The following CUL9 variants were observed in gnomAD, a reference collection of about 807,000 sequenced individuals.
CUL9 encodes cullin 9.
Under a neutral mutation model 272.6 loss-of-function variants are expected in CUL9, and 79 were observed. The observed-to-expected ratio is 0.29, with a 90% CI of 0.24 to 0.35. The LOEUF (loss-of-function observed/expected upper bound fraction) is 0.35, where lower values mean the gene tolerates loss of function less well. CUL9 is among the 10% of genes least tolerant of loss of function. The pLI is 1.00. For synonymous variants in CUL9, 1,186 were observed against 1,286.5 expected, an observed-to-expected ratio of 0.92 and a Z score of 1.67; for missense variants, 2,532 against 3,255.6, an observed-to-expected ratio of 0.78 and a Z score of 5.41.
chr6:43,186,813 TG>T, intron 4 of CUL9, 146 bp from the exon 5 acceptor site: 1 of 944,148 alleles, frequency 1.1e-6, no homozygotes, highest in Non-Finnish European at 1.6e-6. Context: ...TTTTGCCATA[TG>T]GGGGTTTTTC....
chr6:43,224,427 A>G lies in CUL9; in HGVS notation c.7536A>G (p.Glu2512=). Residue 2512 remains glutamate, a synonymous_variant, in exon 41 of 41, where the codon GAA becomes GAG. Transcript: ENST00000252050. The surrounding 1 kb of genome is among the most constrained non-coding windows in gnomAD (Gnocchi z 4.2). ...TFFFGDEEED[E]DEAYD The stretch of plus-strand genomic sequence containing the variant: ...TCTTTGGTGATGAGGAAGAGGATGA[A>G]GATGAGGCCTATGACTGAGGGGGCA... 1 of 1,613,914 alleles carries G rather than the reference A, an allele frequency of 6.2e-7. No individual in the cohort carries two copies. Among genetic ancestry groups the G allele is most frequent in the South Asian group, 1.1e-5 (1 of 91,040 alleles).
At position 43,196,627 on chromosome 6, in the gene CUL9, T is replaced by C. The variant is rs1774023126; in HGVS notation, c.2586-18T>C. The C allele has an allele frequency of 6.2e-7, 1 of 1,603,622 alleles. No homozygotes were observed. Among genetic ancestry groups the C allele is most frequent in the Non-Finnish European group, 8.5e-7 (1 of 1,170,406 alleles). ...TCATGGTCTCTCAGTTTCTTCCTGG[T>C]CACCTCCCTCCTCCCAGGTGCTCTT... On this transcript the variant is annotated intron_variant, in intron 10 of 40. Transcript: ENST00000252050.
Position 43,216,394 on chromosome 6 carries a change from A to C in CUL9, c.6173A>C (p.His2058Pro), listed in dbSNP as rs2273709. ...CTGCTGGCAGCTGGGCTGTGCGTAC[A>C]CCAGGCTCAGGCTGTACCCGTACGG... ...PLLLAAGLCV[H>P]QAQAVPVRPD... The change falls in exon 31 of 41, where the codon CAC (histidine) becomes CCC (proline). Residue 2058 changes from histidine (H) to proline (P), a missense_variant. This residue lies in a region of CUL9 where 2,218 missense variants were observed against 2,788.6 expected (regional missense o/e 0.80). Transcript: ENST00000252050. The C allele has an allele frequency of 0.24, 383,060 of 1,613,862 alleles. 54,616 individuals carry two copies. The highest frequency in any genetic ancestry group is 0.68 in the African/African-American group (50,620 of 74,958).
At position 43,198,865 on chromosome 6, in the gene CUL9, C is replaced by G. The variant is rs1350731705; in HGVS notation, c.3050+10C>G. ...TGCTGTCTGTGCTGAGGTGAGGGGC[C>G]TGTTGAGGCACCATGCATTGGGACG... On this transcript the variant is annotated intron_variant, in intron 12 of 40. Coordinates refer to ENST00000252050, the MANE Select transcript of CUL9 (RefSeq NM_015089.4). 2 of 1,611,112 alleles carry G rather than the reference C, an allele frequency of 1.2e-6. No individual in the cohort carries two copies. Among genetic ancestry groups the G allele is most frequent in the Non-Finnish European group, 1.7e-6 (2 of 1,178,750 alleles).
rs1772889577 is a variant in CUL9 at position 43,186,148 on chromosome 6, G to A, written c.944G>A (p.Arg315Gln). ...AVGNLISELVRSMGWARNLSE... is the reference protein window; with the variant it reads ...AVGNLISELVQSMGWARNLSE... ...GGCAACCTCATCTCTGAGCTTGTGC[G>A]GAGCATGGGCTGGGCCCGGAACCTC... Residue 315 changes from arginine to glutamine, a missense_variant, in exon 4 of 41, where the codon CGG (arginine) becomes CAG (glutamine). Coordinates refer to ENST00000252050, the MANE Select transcript of CUL9 (RefSeq NM_015089.4). 2.5e-6 allele frequency: 4 copies of A among 1,614,212 alleles called. No homozygotes were observed. The highest frequency in any genetic ancestry group is 2.2e-5 in the East Asian group (1 of 44,880).
In CUL9 at chr6:43,200,291, G is replaced by A. The variant is rs932117686; in HGVS notation, c.3384+135G>A. On this transcript the variant is annotated intron_variant, in intron 14 of 40. Coordinates refer to ENST00000252050, the MANE Select transcript of CUL9 (RefSeq NM_015089.4). The surrounding 1 kb of genome is among the most constrained non-coding windows in gnomAD (Gnocchi z 4.0). Reference sequence around the variant, plus strand: ...TCTGGGGCACTTGTTTCCTAACCTTGACTCCACATGGTTCTGTCAAAATGT... The same window carrying A: ...TCTGGGGCACTTGTTTCCTAACCTTAACTCCACATGGTTCTGTCAAAATGT... 3 of 1,482,132 alleles carry A rather than the reference G, an allele frequency of 2.0e-6. No homozygotes were observed. The highest frequency in any genetic ancestry group is 2.8e-5 in the African/African-American group (2 of 72,156). The allele number at this position is 1,482,132 out of a possible 1,614,324, so 91.8% of individuals were successfully genotyped here. A position where few individuals can be genotyped will look rare whatever the true frequency, so the allele number is the denominator to read the frequency against.
intron 31 of CUL9, among the ~76,000 whole-genome samples, chr6:43,216,928 T>C (rs77852399): frequency 6.6e-6 from 1 of 152,356 alleles, no homozygotes; most frequent in East Asian, 1.9e-4. Flanking sequence ...CAAGACACTT[T>C]GTGAAGTGTT....
At position 43,203,154 on chromosome 6, in the gene CUL9, C is replaced by T. The variant is rs1302841730; in HGVS notation, c.3799C>T (p.Leu1267=). The part of the protein sequence containing the change: ...SASRVILLEN[L]NRFWPIIQIR... ...CAGCCGGGTGATCCTCTTGGAGAAC[C>T]TGAACCGCTTCTGGCCCATCATCCA... Residue 1267 remains leucine (L), a synonymous_variant, in exon 18 of 41, where the codon CTG becomes TTG. Coordinates refer to ENST00000252050, the MANE Select transcript of CUL9 (RefSeq NM_015089.4). The surrounding 1 kb of genome is among the most constrained non-coding windows in gnomAD (Gnocchi z 5.0). 1 of 1,614,012 alleles carries T rather than the reference C, an allele frequency of 6.2e-7. No individual in the cohort carries two copies. Among genetic ancestry groups the T allele is most frequent in the African/African-American group, 1.3e-5 (1 of 75,048 alleles).
At position 43,221,319 on chromosome 6, in the gene CUL9, G is replaced by A. The variant is rs1189551223; in HGVS notation, c.6750G>A (p.Leu2250=). 6.2e-7 allele frequency: 1 copy of A among 1,601,596 alleles called. No individual in the cohort carries two copies. The highest frequency in any genetic ancestry group is 8.5e-7 in the Non-Finnish European group (1 of 1,177,726). The change falls in exon 34 of 41, where the codon CTG becomes CTA. Residue 2250 remains leucine, a splice_region_variant and synonymous_variant. Transcript: ENST00000252050. The surrounding 1 kb of genome is among the most constrained non-coding windows in gnomAD (Gnocchi z 4.2). ...QAPIEKNEGC[L]HMTCAKCNHG... The stretch of plus-strand genomic sequence containing the variant: ...CCATCGAGAAGAACGAGGGGTGCCT[G>A]CAGTAAGAAGGGGGGTACTGTGGGG...
chr6:43,199,250 T>C lies in CUL9; in HGVS notation c.3051-16T>C. 3 of 1,604,476 alleles carry C rather than the reference T, an allele frequency of 1.9e-6. No individual in the cohort carries two copies. Among genetic ancestry groups the C allele is most frequent in the Non-Finnish European group, 2.6e-6 (3 of 1,171,836 alleles). ...TGTGCCTGGCCTGACTTCACTCGTT[T>C]CTACCCCCTCACCAGGGTCATAACC... On this transcript the variant is annotated splice_polypyrimidine_tract_variant and intron_variant, in intron 12 of 40. Transcript: ENST00000252050. This position sits in a 1 kb window ranked among gnomAD's most constrained non-coding sequence, Gnocchi z 4.4.
In CUL9 at chr6:43,206,549, G is replaced by A; in HGVS notation, c.5212+39G>A. The A allele has an allele frequency of 6.3e-7, 1 of 1,597,426 alleles. No homozygotes were observed. The highest frequency in any genetic ancestry group is 1.1e-5 in the South Asian group (1 of 90,672). Reference sequence around the variant, plus strand: ...GAGAGGAAATTGGAGATCGGGGTGAGATTCGGGGTGGCAAGAGAGGAAGAG... The same window carrying A: ...GAGAGGAAATTGGAGATCGGGGTGAAATTCGGGGTGGCAAGAGAGGAAGAG... On this transcript the variant is annotated intron_variant, in intron 26 of 40. Transcript: ENST00000252050. This position sits in a 1 kb window ranked among gnomAD's most constrained non-coding sequence, Gnocchi z 4.8.
intron 5 of CUL9, 69 bp from the exon 6 acceptor site, chr6:43,187,177 A>T (rs1582288102): frequency 6.2e-7 from 1 of 1,604,542 alleles, no homozygotes; most frequent in East Asian, 2.2e-5. Context: ...GACCAGGAGC[A>T]GCCCTAGGGG....
Position 43,206,402 on chromosome 6 carries a change from C to T in CUL9, c.5104C>T (p.Pro1702Ser). 1 of 1,614,184 alleles carries T rather than the reference C, an allele frequency of 6.2e-7. No homozygotes were observed. Among genetic ancestry groups the T allele is most frequent in the South Asian group, 1.1e-5 (1 of 91,082 alleles). Residue 1702 changes from proline (P) to serine (S), a missense_variant, in exon 26 of 41, where the codon CCA (proline) becomes TCA (serine). By Grantham distance (74) the Pro-to-Ser change is moderately conservative. Transcript: ENST00000252050. This position sits in a 1 kb window ranked among gnomAD's most constrained non-coding sequence, Gnocchi z 4.8. ...SPAISILVLS[P>S]RCWPVSPLCY... Reference sequence around the variant, plus strand: ...AGCCATTTCTATACTGGTCCTGTCACCACGCTGCTGGCCCGTCTCCCCACT... The same window carrying T: ...AGCCATTTCTATACTGGTCCTGTCATCACGCTGCTGGCCCGTCTCCCCACT...
chr6:43,185,644 A>G, intron 3 of CUL9, 34 bp downstream of exon 3: 1 of 1,597,680 alleles, frequency 6.3e-7, no homozygotes, highest in Non-Finnish European at 8.5e-7. Context: ...TGCTGTGTAC[A>G]AGGGCTAAGA....
Position 43,198,686 on chromosome 6 carries a change from G to A in CUL9, c.2881G>A (p.Ala961Thr). The A allele has an allele frequency of 6.2e-7, 1 of 1,614,190 alleles. No individual in the cohort carries two copies. Among genetic ancestry groups the A allele is most frequent in the Non-Finnish European group, 8.5e-7 (1 of 1,180,032 alleles). Residue 961 changes from alanine to threonine, a missense_variant, in exon 12 of 41, where the codon GCA (alanine) becomes ACA (threonine). Around this residue, in one of 3 missense-constraint regions of CUL9, gnomAD observed 2,218 missense variants for 2,788.6 expected, o/e 0.80. Coordinates refer to ENST00000252050, the MANE Select transcript of CUL9 (RefSeq NM_015089.4). ...TCGATCCCTGGTTGGGGGCCCATCTGCAGAACTACTCCTGGACTTGGAGCG... is the reference window on the plus strand; with the variant it reads ...TCGATCCCTGGTTGGGGGCCCATCTACAGAACTACTCCTGGACTTGGAGCG... ...LIRSLVGGPSAELLLDLERVL... is the reference protein window; with the variant it reads ...LIRSLVGGPSTELLLDLERVL...
Position 43,200,536 on chromosome 6 carries a change from C to G in CUL9, c.3475+10C>G. 2 of 1,614,182 alleles carry G rather than the reference C, an allele frequency of 1.2e-6. No individual in the cohort carries two copies. The highest frequency in any genetic ancestry group is 1.7e-6 in the Non-Finnish European group (2 of 1,180,030). On this transcript the variant is annotated intron_variant, in intron 15 of 40. Transcript: ENST00000252050. This position sits in a 1 kb window ranked among gnomAD's most constrained non-coding sequence, Gnocchi z 4.0. ...AGGCATCTCTGCCAGGGTTAGTGCCCTCATCTGCTTTCTCCTGGCTCCCAT... is the reference window on the plus strand; with the variant it reads ...AGGCATCTCTGCCAGGGTTAGTGCCGTCATCTGCTTTCTCCTGGCTCCCAT...
In CUL9 at chr6:43,213,761, T is replaced by C. The variant is rs1332425525; in HGVS notation, c.5537T>C (p.Leu1846Pro). Residue 1846 changes from leucine to proline, a missense_variant, in exon 29 of 41, where the codon CTG (leucine) becomes CCG (proline). Leu to Pro is a moderately conservative substitution (Grantham distance 98). Around this residue, in one of 3 missense-constraint regions of CUL9, gnomAD observed 2,218 missense variants for 2,788.6 expected, o/e 0.80. Transcript: ENST00000252050. The surrounding 1 kb of genome is among the most constrained non-coding windows in gnomAD (Gnocchi z 5.7). ...GGGCCCCAGCGCAGTGGGGAGGCCC[T>C]GTGGCTGATACCTCCCCAGGCATAC... ...EPGPQRSGEA[L>P]WLIPPQAYLN... 5.6e-6 allele frequency: 9 copies of C among 1,613,974 alleles called. No individual in the cohort carries two copies. Among genetic ancestry groups the C allele is most frequent in the Non-Finnish European group, 7.6e-6 (9 of 1,180,030 alleles).
Position 43,187,696 on chromosome 6 carries a change from A to T in CUL9, c.1582-17A>T. The T allele has an allele frequency of 6.2e-7, 1 of 1,609,202 alleles. No individual in the cohort carries two copies. Among genetic ancestry groups the T allele is most frequent in the Admixed American group, 1.7e-5 (1 of 59,848 alleles). ...GTGTCTGCTTGTCTCTTAAACGTAT[A>T]CCCCTTCTGTTGACAGACCCTGGGT... On this transcript the variant is annotated splice_polypyrimidine_tract_variant and intron_variant, in intron 6 of 40. Transcript: ENST00000252050.
In CUL9 at chr6:43,215,101, G is replaced by T. The variant is rs1775827566; in HGVS notation, c.5711G>T (p.Gly1904Val). The T allele has an allele frequency of 6.2e-7, 1 of 1,611,554 alleles. No individual in the cohort carries two copies. Among genetic ancestry groups the T allele is most frequent in the African/African-American group, 1.3e-5 (1 of 74,898 alleles). Residue 1904 changes from glycine (G) to valine (V), a missense_variant, in exon 30 of 41, where the codon GGT (glycine) becomes GTT (valine). By Grantham distance (109) the Gly-to-Val change is moderately radical. Around this residue, in one of 3 missense-constraint regions of CUL9, gnomAD observed 2,218 missense variants for 2,788.6 expected, o/e 0.80. Transcript: ENST00000252050. The part of the protein sequence containing the change: ...VCLVLEAWQK[G>V]PNPPGTLGHT... ...CAGGTGCTGGAGGCCTGGCAGAAGG[G>T]TCCAAATCCTCCTGGAACCCTGGGC... is the stretch of plus-strand genomic sequence containing the variant.
Sources: allele counts gnomAD v4.1 joint callset (sites outside exome capture counted in the v4.1 genomes callset), GRCh38; gene constraint gnomAD v4.1.1; regional missense constraint gnomAD v4.1.1; non-coding constraint Gnocchi (gnomAD v3.1); transcripts MANE v1.5; gene names NCBI Gene and HGNC (gene_info 2026-07-23, HGNC 2026-07-21).